Variants in RARB observed in about 807,000 individuals in gnomAD.
RARB encodes HBV-activated protein.
A neutral mutation model predicts 51.9 loss-of-function variants in RARB; 17 were observed. The ratio of observed to expected loss-of-function variants is 0.33; its 90% CI spans 0.22 to 0.49. The LOEUF is 0.49. Among genes scored for constraint, RARB ranks in the 20% least tolerant of loss-of-function variants. The probability of loss-of-function intolerance (pLI) is 0.99; values close to 1 mark genes in which losing one functional copy is unlikely to be tolerated. For missense variants in RARB, 369 were observed against 550.8 expected, an observed-to-expected ratio of 0.67 and a Z score of 3.30; for synonymous variants, 215 against 195.4, an observed-to-expected ratio of 1.10 and a Z score of -0.84.
At chr3:24,834,265 G>A (rs1426370957) in intron 1 of RARB, among the ~76,000 whole-genome samples, 8 of 152,020 alleles carry the variant, frequency 5.3e-5, no homozygotes, top group Admixed American at 5.2e-4. Context: ...GTTAATTTTA[G>A]GAAAATGAAA....
At chr3:25,227,869 T>C (rs1247931940) in intron 5 of RARB, among the ~76,000 whole-genome samples, 1 of 152,146 alleles carries the variant, frequency 6.6e-6, no homozygotes, top group African/African-American at 2.4e-5. Flanking sequence ...AAGTATTCAC[T>C]TGCTTTAGAA....
At chr3:24,981,721 T>C (rs4254625) in intron 2 of RARB, among the ~76,000 whole-genome samples, 134,134 of 152,092 alleles carry the variant, frequency 0.88, 59,251 homozygotes, top group South Asian at 0.93. Flanking sequence ...AAGGGAAATC[T>C]CCTGACCCCT....
At chr3:25,030,120 C>T (rs924019920) in intron 2 of RARB, among the ~76,000 whole-genome samples, 2 of 152,118 alleles carry the variant, frequency 1.3e-5, no homozygotes, top group Non-Finnish European at 2.9e-5. Flanking sequence ...TATTGCTAGT[C>T]AATACCTTTT....
intron 3 of RARB, among the ~76,000 whole-genome samples, chr3:25,554,927 TC>T (rs1699996330): frequency 6.6e-6 from 1 of 152,104 alleles, no homozygotes; most frequent in Non-Finnish European, 1.5e-5. Flanking sequence ...TCAGTTCCTC[TC>T]ATGACCCATT....
intron 2 of RARB, among the ~76,000 whole-genome samples, chr3:24,916,767 CAA>C (rs386396164): frequency 5.5e-4 from 62 of 112,776 alleles, no homozygotes; most frequent in Admixed American, 4.1e-4. Context: ...GTTTGCTGTT[CAA>C]AAAAAAAAAA....
At chr3:24,849,190 G>A (rs1021762533) in intron 1 of RARB, among the ~76,000 whole-genome samples, 10 of 152,082 alleles carry the variant, frequency 6.6e-5, no homozygotes, top group Admixed American at 4.6e-4. Flanking sequence ...ATAAAAATAA[G>A]CAATTATAAC....
At position 25,584,088 on chromosome 3, in the gene RARB, C is replaced by A. The variant is rs1299781268; in HGVS notation, c.786+3366C>A. Among the ~76,000 whole-genome samples, 7 of 152,260 alleles carry A rather than the reference C, an allele frequency of 4.6e-5. No individual in the cohort carries two copies. The South Asian group carries it at 1.5e-3, about 32-fold the overall frequency. On this transcript the variant is annotated intron_variant, in intron 5 of 7. Transcript: ENST00000330688. Reference sequence around the variant, plus strand: ...GTCTCTCTCAACTTAAAATAAAAATCGTAAAAACAAACCTTGAGGTGGTCA... The same window carrying A: ...GTCTCTCTCAACTTAAAATAAAAATAGTAAAAACAAACCTTGAGGTGGTCA...
At chr3:24,944,737 T>C (rs1695738799) in intron 2 of RARB, among the ~76,000 whole-genome samples, 1 of 152,216 alleles carries the variant, frequency 6.6e-6, no homozygotes, top group African/African-American at 2.4e-5. Flanking sequence ...GAAATGGTAT[T>C]CTAAGTAGAA....
chr3:24,961,659 A>G (rs1440446944), intron 2 of RARB, among the ~76,000 whole-genome samples: 1 of 152,212 alleles, frequency 6.6e-6, no homozygotes, highest in African/African-American at 2.4e-5. Flanking sequence ...CGGTCCAGTT[A>G]TCTCAGAGTA....
At chr3:25,594,737 T>C in intron 7 of RARB, 59 bp downstream of exon 7, 1 of 1,405,708 alleles carries the variant, frequency 7.1e-7, no homozygotes, top group Non-Finnish European at 9.4e-7. Flanking sequence ...CCTTACCAGG[T>C]TGTGTTGCTT....
chr3:25,237,660 C>A (rs919405999), intron 5 of RARB, among the ~76,000 whole-genome samples: 1 of 152,038 alleles, frequency 6.6e-6, no homozygotes, highest in Non-Finnish European at 1.5e-5. Context: ...AAGTTAGACA[C>A]CCATCATCAC....
At chr3:25,061,196 T>C (rs1000969660) in intron 3 of RARB, among the ~76,000 whole-genome samples, 1 of 151,850 alleles carries the variant, frequency 6.6e-6, no homozygotes. Flanking sequence ...AGAGGGAAAA[T>C]CTAATTACAG....
chr3:24,939,386 C>A (rs774701204), intron 2 of RARB, among the ~76,000 whole-genome samples: 4 of 152,144 alleles, frequency 2.6e-5, no homozygotes, highest in Non-Finnish European at 5.9e-5. Context: ...TTTTGAGGAA[C>A]TGTCAAATTG....
Position 25,461,230 on chromosome 3 carries a change from C to A in RARB, c.195C>A (p.Val65=). The part of the protein sequence containing the change: ...ETQSTSSEEL[V]PSPPSPLPPP... ...AGAGCACCAGCTCTGAGGAACTCGT[C>A]CCAAGCCCCCCATCTCCACTTCCTC... Residue 65 remains valine, a synonymous_variant, in exon 2 of 8, where the codon GTC becomes GTA. Transcript: ENST00000330688. 6.2e-7 allele frequency: 1 copy of A among 1,613,932 alleles called. No homozygotes were observed.
At chr3:25,265,625 C>T (rs982834852) in intron 5 of RARB, among the ~76,000 whole-genome samples, 101 of 152,154 alleles carry the variant, frequency 6.6e-4, no homozygotes, top group African/African-American at 2.3e-3. Flanking sequence ...GGCATGCACC[C>T]CCATGCCTGT....
At chr3:25,230,843 T>C (rs1411275896) in intron 5 of RARB, among the ~76,000 whole-genome samples, 1 of 152,104 alleles carries the variant, frequency 6.6e-6, no homozygotes, top group African/African-American at 2.4e-5. Flanking sequence ...TAATAAAATG[T>C]AGCTAATATG....
chr3:25,397,774 C>T (rs1435706006), intron 5 of RARB, among the ~76,000 whole-genome samples: 1 of 151,940 alleles, frequency 6.6e-6, no homozygotes, highest in Non-Finnish European at 1.5e-5. Flanking sequence ...TCAGGTAATG[C>T]ATTTAGCCTC....
At chr3:25,102,149 G>A (rs530978232) in intron 3 of RARB, among the ~76,000 whole-genome samples, 29 of 152,100 alleles carry the variant, frequency 1.9e-4, no homozygotes, top group Non-Finnish European at 3.4e-4. Flanking sequence ...AAGCATGCAC[G>A]TTAGCATTTC....
chr3:25,152,726 C>T (rs1160213366), intron 4 of RARB, among the ~76,000 whole-genome samples: 1 of 152,074 alleles, frequency 6.6e-6, no homozygotes, highest in Non-Finnish European at 1.5e-5. Context: ...TACATAGTTC[C>T]TATATTTTGG....
Sources: gnomAD v4.1 joint callset for allele counts (sites outside exome capture counted in the v4.1 genomes callset) on GRCh38, gnomAD v4.1.1 for gene constraint, MANE v1.5 for transcripts, NCBI Gene and HGNC (gene_info 2026-07-23, HGNC 2026-07-21) for gene names.